GRIN2A: variants seen among roughly 807,000 people sequenced by gnomAD.
GRIN2A encodes the protein glutamate receptor ionotropic, NMDA 2A.
A neutral mutation model predicts 113.4 loss-of-function variants in GRIN2A; 22 were observed. The observed-to-expected ratio is 0.19, with a 90% CI of 0.14 to 0.28. The LOEUF is 0.28. GRIN2A is among the 10% of genes least tolerant of loss of function. The probability of loss-of-function intolerance (pLI) is 1.00; values close to 1 mark genes in which losing one functional copy is unlikely to be tolerated. For synonymous variants in GRIN2A, 827 were observed against 738.4 expected (o/e 1.12, Z -1.94); for missense variants, 1,502 against 1,887.0 (o/e 0.80, Z 3.78).
rs1348765082 is a variant in GRIN2A at position 9,759,088 on chromosome 16, A to T, written c.*4061T>A. 2 of 218,766 alleles carry T rather than the reference A, an allele frequency of 9.1e-6. No homozygotes were observed. Among genetic ancestry groups the T allele is most frequent in the Admixed American group, 5.8e-5 (1 of 17,276 alleles). The allele number at this position is 218,766 out of a possible 1,614,324, so 13.6% of individuals were successfully genotyped here. On this transcript the variant is annotated 3_prime_UTR_variant, in exon 13 of 13. Coordinates refer to ENST00000330684, the MANE Select transcript of GRIN2A (RefSeq NM_001134407.3). The stretch of plus-strand genomic sequence containing the variant: ...ATTCATGCACAACAGCTATGCACAA[A>T]GAAACAGTACAGGAATGTGCATAAT...
At chr16:9,941,840 C>T (rs1157999667) in intron 2 of GRIN2A, among the ~76,000 whole-genome samples, 2 of 152,168 alleles carry the variant, frequency 1.3e-5, no homozygotes, top group African/African-American at 4.8e-5. Flanking sequence ...CCCCCAACCA[C>T]CTTATTAAGT....
At chr16:10,094,374 G>C (rs1444329472) in intron 2 of GRIN2A, among the ~76,000 whole-genome samples, 1 of 152,090 alleles carries the variant, frequency 6.6e-6, no homozygotes, top group African/African-American at 2.4e-5. Context: ...TTCATCTATA[G>C]AATGTGGGTA....
intron 2 of GRIN2A, among the ~76,000 whole-genome samples, chr16:9,979,321 G>A (rs368001312): frequency 6.6e-6 from 1 of 151,962 alleles, no homozygotes; most frequent in African/African-American, 2.4e-5. Context: ...CTATCCCTTG[G>A]GCCACTCTCC....
At position 9,759,894 on chromosome 16, in the gene GRIN2A, T is replaced by C; in HGVS notation, c.*3255A>G. On this transcript the variant is annotated 3_prime_UTR_variant, in exon 13 of 13. Coordinates refer to ENST00000330684, the MANE Select transcript of GRIN2A (RefSeq NM_001134407.3). ...TCCAGAAGCACAAAGGTTTCTCAAG[T>C]ACAGTTTATGCTCTAGAAGACTCTC... 1 of 230,542 alleles carries C rather than the reference T, an allele frequency of 4.3e-6. No individual in the cohort carries two copies. Among genetic ancestry groups the C allele is most frequent in the South Asian group, 1.8e-4 (1 of 5,492 alleles). The allele number at this position is 230,542 out of a possible 1,614,324, so 14.3% of individuals were successfully genotyped here. A position where few individuals can be genotyped will look rare whatever the true frequency, so the allele number is the denominator to read the frequency against.
intron 3 of GRIN2A, among the ~76,000 whole-genome samples, chr16:9,908,044 G>A (rs546771026): frequency 5.3e-5 from 8 of 152,266 alleles, no homozygotes; most frequent in East Asian, 1.9e-4. Context: ...AGAATGTCCC[G>A]GTGTGCTGGA....
chr16:9,948,769 G>A (rs1307064036), intron 2 of GRIN2A, among the ~76,000 whole-genome samples: 1 of 152,198 alleles, frequency 6.6e-6, no homozygotes, highest in African/African-American at 2.4e-5. Context: ...ATCCAGGAAC[G>A]AGAAGAGCAC....
intron 3 of GRIN2A, among the ~76,000 whole-genome samples, chr16:9,910,607 G>A (rs1024155605): frequency 1.4e-5 from 2 of 144,796 alleles, no homozygotes; most frequent in Admixed American, 7.3e-5. Context: ...GTGCGATCTC[G>A]GCTCACTGCA....
intron 2 of GRIN2A, among the ~76,000 whole-genome samples, chr16:10,071,352 T>C (rs1241389801): frequency 3.3e-5 from 5 of 152,108 alleles, no homozygotes; most frequent in African/African-American, 1.2e-4. Flanking sequence ...CCAGTTGAAG[T>C]AAGGGGAAAA....
chr16:9,853,293 T>C (rs144266027), intron 4 of GRIN2A, among the ~76,000 whole-genome samples: 4 of 152,286 alleles, frequency 2.6e-5, no homozygotes, highest in Non-Finnish European at 5.9e-5. Context: ...CCAAAATTCA[T>C]AGGTTGAAAT....
intron 2 of GRIN2A, among the ~76,000 whole-genome samples, chr16:9,995,314 A>T (rs2046202395): frequency 6.6e-6 from 1 of 152,208 alleles, no homozygotes; most frequent in Admixed American, 6.5e-5. Flanking sequence ...TGGTCAAGAG[A>T]ATCTGGGGGA....
intron 3 of GRIN2A, among the ~76,000 whole-genome samples, chr16:9,937,362 T>C (rs2044736256): frequency 1.3e-5 from 2 of 152,134 alleles, no homozygotes; most frequent in African/African-American, 4.8e-5. Flanking sequence ...AAGAATATAA[T>C]TGAATTGTTT....
intron 2 of GRIN2A, among the ~76,000 whole-genome samples, chr16:10,034,491 C>T (rs2046987469): frequency 7.0e-6 from 1 of 143,620 alleles, no homozygotes; most frequent in Non-Finnish European, 1.5e-5. Context: ...TGTCACTGCA[C>T]CCCAGGCTGG....
chr16:10,055,046 T>TAA (rs1567266287), intron 2 of GRIN2A, among the ~76,000 whole-genome samples: 6 of 12,490 alleles, frequency 4.8e-4, no homozygotes, highest in Non-Finnish European at 5.4e-4. Context: ...AGACTCTATC[T>TAA]CAAAAAAAAA....
At chr16:9,912,138 T>C (rs1169349497) in intron 3 of GRIN2A, among the ~76,000 whole-genome samples, 2 of 151,182 alleles carry the variant, frequency 1.3e-5, no homozygotes, top group African/African-American at 4.9e-5. Context: ...GTAATGACGA[T>C]GACGATAAAG....
At chr16:10,138,667 C>T (rs2049255167) in intron 2 of GRIN2A, among the ~76,000 whole-genome samples, 2 of 152,102 alleles carry the variant, frequency 1.3e-5, no homozygotes, top group South Asian at 4.1e-4. Flanking sequence ...CACTCTGTTT[C>T]CTTCTATGAG....
intron 5 of GRIN2A, among the ~76,000 whole-genome samples, chr16:9,843,253 G>GAC (rs771940827): frequency 1.3e-5 from 2 of 151,884 alleles, no homozygotes; most frequent in Non-Finnish European, 2.9e-5. Context: ...TGGCAACACA[G>GAC]ACACACACAC....
At chr16:10,065,187 G>A (rs2047624941) in intron 2 of GRIN2A, among the ~76,000 whole-genome samples, 1 of 152,150 alleles carries the variant, frequency 6.6e-6, no homozygotes, top group South Asian at 2.1e-4. Flanking sequence ...CGCCTGCCTG[G>A]CATCAGTTGG....
intron 9 of GRIN2A, among the ~76,000 whole-genome samples, chr16:9,823,289 A>C (rs577728783): frequency 6.6e-6 from 1 of 152,348 alleles, no homozygotes; most frequent in Non-Finnish European, 1.5e-5. Flanking sequence ...GGTTATAAGC[A>C]GGAGCTCGAA....
At chr16:9,942,199 A>C (rs1027952113) in intron 2 of GRIN2A, among the ~76,000 whole-genome samples, 1 of 151,896 alleles carries the variant, frequency 6.6e-6, no homozygotes, top group Non-Finnish European at 1.5e-5. Flanking sequence ...CTCTTAAAGC[A>C]CCCCTTTAAC....
Sources: allele counts gnomAD v4.1 joint callset (sites outside exome capture counted in the v4.1 genomes callset), GRCh38; gene constraint gnomAD v4.1.1; transcripts MANE v1.5; gene names NCBI Gene and HGNC (gene_info 2026-07-23, HGNC 2026-07-21).